Variants in ULK4 observed in about 807,000 individuals in gnomAD.
ULK4 encodes the protein inactive serine/threonine-protein kinase ULK4.
ULK4 carries 133 observed loss-of-function variants against 160.6 expected under a neutral mutation model. The observed-to-expected ratio is 0.83, with a 90% CI of 0.72 to 0.96. The LOEUF (loss-of-function observed/expected upper bound fraction) is 0.96. Among genes scored for constraint, ULK4 ranks in the 40% least tolerant of loss-of-function variants. The pLI is 0.00. For synonymous variants in ULK4, 534 were observed against 539.8 expected (o/e 0.99, Z 0.15); for missense variants, 1,580 against 1,499.5 (o/e 1.05, Z -0.89).
In ULK4 at chr3:41,729,094, C is replaced by T. The variant is rs116178387; in HGVS notation, c.2322-11233G>A. Among the ~76,000 whole-genome samples, 70 of 152,194 alleles carry T rather than the reference C, an allele frequency of 4.6e-4. 1 individual carries two copies. Among genetic ancestry groups the T allele is most frequent in the Non-Finnish European group, 6.8e-4 (46 of 68,020 alleles). On this transcript the variant is annotated intron_variant, in intron 22 of 36. Transcript: ENST00000301831. ...TTTGACTAGAGTATCTGAAGGAGAA[C>T]GCTGAAGTACAGCAGGGGAGTGGCA...
At chr3:41,886,192 ATTAATTT>A (rs1697715278) in intron 16 of ULK4, among the ~76,000 whole-genome samples, 1 of 152,200 alleles carries the variant, frequency 6.6e-6, no homozygotes. Flanking sequence ...GGAAGCTACT[ATTAATTT>A]TTAATTTAAA....
At chr3:41,801,151 A>C (rs2040447184) in intron 19 of ULK4, among the ~76,000 whole-genome samples, 1 of 152,200 alleles carries the variant, frequency 6.6e-6, no homozygotes, top group Admixed American at 6.6e-5. Context: ...AAAAGATATA[A>C]AAATGACCCA....
chr3:41,447,552 T>C (rs1028457399), intron 34 of ULK4, among the ~76,000 whole-genome samples: 3 of 152,102 alleles, frequency 2.0e-5, no homozygotes, highest in Non-Finnish European at 4.4e-5. Context: ...GGGGCCTTTC[T>C]TCCCTAAAGC....
intron 34 of ULK4, among the ~76,000 whole-genome samples, chr3:41,420,475 C>CT (rs1165381982): frequency 0.26 from 10,750 of 41,018 alleles, 2,262 homozygotes; most frequent in South Asian, 0.32. Context: ...CCAGTTCTTT[C>CT]TTTTTTTTTT....
intron 27 of ULK4, among the ~76,000 whole-genome samples, chr3:41,682,357 C>A (rs913199020): frequency 6.6e-6 from 1 of 151,682 alleles, no homozygotes; most frequent in African/African-American, 2.4e-5. Flanking sequence ...AAACTTAACC[C>A]CAAAAAACAA....
chr3:41,417,581 A>C (rs2082556221), intron 34 of ULK4, among the ~76,000 whole-genome samples: 1 of 152,154 alleles, frequency 6.6e-6, no homozygotes, highest in Admixed American at 6.5e-5. Context: ...GATTGTACTT[A>C]ATGCAGAGAG....
At chr3:41,940,596 T>C (rs909729744) in intron 2 of ULK4, among the ~76,000 whole-genome samples, 5 of 152,090 alleles carry the variant, frequency 3.3e-5, no homozygotes, top group African/African-American at 1.2e-4. Flanking sequence ...AGTTCAAGGC[T>C]GCAGTGAACT....
intron 35 of ULK4, among the ~76,000 whole-genome samples, chr3:41,396,252 T>C (rs1006889073): frequency 6.6e-6 from 1 of 152,066 alleles, no homozygotes; most frequent in Non-Finnish European, 1.5e-5. Flanking sequence ...GTGCTTATGA[T>C]GTCATTGCCT....
At chr3:41,476,844 C>T (rs1246869698) in intron 32 of ULK4, among the ~76,000 whole-genome samples, 2 of 151,984 alleles carry the variant, frequency 1.3e-5, no homozygotes, top group African/African-American at 2.4e-5. Context: ...TATTAACATC[C>T]GAGACTGAAG....
At chr3:41,512,321 A>G (rs2085606064) in intron 32 of ULK4, among the ~76,000 whole-genome samples, 1 of 152,210 alleles carries the variant, frequency 6.6e-6, no homozygotes, top group South Asian at 2.1e-4. Flanking sequence ...CACATTGGCA[A>G]AGATAAAGTC....
chr3:41,624,367 T>C (rs1378963745), intron 30 of ULK4, among the ~76,000 whole-genome samples: 5 of 152,220 alleles, frequency 3.3e-5, no homozygotes, highest in African/African-American at 9.6e-5. Context: ...CAATGGTACC[T>C]GGACGATCCA....
chr3:41,306,667 C>T (rs920138427), intron 35 of ULK4, among the ~76,000 whole-genome samples: 8 of 151,218 alleles, frequency 5.3e-5, no homozygotes, highest in South Asian at 2.1e-4. Flanking sequence ...TCATTGAGAA[C>T]GGGCCATGAT....
rs991264476 is a variant in ULK4 at position 41,802,908 on chromosome 3, T to C, written c.1849-2615A>G. Among the ~76,000 whole-genome samples the C allele has an allele frequency of 2.0e-5, 3 of 152,322 alleles. No individual in the cohort carries two copies. In the East Asian group the frequency reaches 5.8e-4, roughly 29 times the overall value. ...TAGGCTGGGCGCAGTGGCTCACGCCTGTAATCCCAGCACTTTGGGAGGCCG... is the reference window on the plus strand; with the variant it reads ...TAGGCTGGGCGCAGTGGCTCACGCCCGTAATCCCAGCACTTTGGGAGGCCG... On this transcript the variant is annotated intron_variant, in intron 19 of 36. Transcript: ENST00000301831.
At chr3:41,377,161 T>G (rs1258518254) in intron 35 of ULK4, among the ~76,000 whole-genome samples, 2 of 152,170 alleles carry the variant, frequency 1.3e-5, no homozygotes, top group Non-Finnish European at 2.9e-5. Flanking sequence ...CTGGGAAAAC[T>G]GGCTAGCCAT....
chr3:41,798,345 A>G (rs58360908), intron 20 of ULK4, among the ~76,000 whole-genome samples: 18,858 of 152,232 alleles, frequency 0.12, 1,350 homozygotes, highest in Middle Eastern at 0.27. Flanking sequence ...GTTCACTGGT[A>G]TACTTTGTAA....
intron 22 of ULK4, among the ~76,000 whole-genome samples, chr3:41,740,914 C>T (rs763021134): frequency 9.9e-5 from 15 of 151,908 alleles, no homozygotes; most frequent in Admixed American, 5.2e-4. Flanking sequence ...ATTTTATATG[C>T]ACATGAATAC....
At chr3:41,572,503 G>A (rs2088014324) in intron 31 of ULK4, among the ~76,000 whole-genome samples, 1 of 151,864 alleles carries the variant, frequency 6.6e-6, no homozygotes, top group South Asian at 2.1e-4. Flanking sequence ...CCACACGCCT[G>A]TAATCCCAGC....
chr3:41,261,935 T>A (rs1170505342), intron 35 of ULK4, among the ~76,000 whole-genome samples: 1 of 152,240 alleles, frequency 6.6e-6, no homozygotes, highest in Non-Finnish European at 1.5e-5. Context: ...GTAGCCACTG[T>A]GGGCCATTAT....
chr3:41,482,980 C>T (rs2084381932), intron 32 of ULK4, among the ~76,000 whole-genome samples: 1 of 152,002 alleles, frequency 6.6e-6, no homozygotes, highest in African/African-American at 2.4e-5. Context: ...AATGGTATAG[C>T]CATCACCTCA....
Sources: allele counts gnomAD v4.1 joint callset (sites outside exome capture counted in the v4.1 genomes callset), GRCh38; gene constraint gnomAD v4.1.1; transcripts MANE v1.5; gene names NCBI Gene and HGNC (gene_info 2026-07-23, HGNC 2026-07-21).